CFAP95: variants seen among roughly 807,000 people sequenced by gnomAD.
CFAP95 encodes the protein cilia- and flagella-associated protein 95.
chr9:69,894,541 G>A, the CFAP95 span, among the ~76,000 whole-genome samples: 2 of 152,128 alleles, frequency 1.3e-5, no homozygotes, highest in Non-Finnish European at 2.9e-5. Context: ...TATCTTACAT[G>A]TATTAGCTCA....
the CFAP95 span, among the ~76,000 whole-genome samples, chr9:69,847,071 T>G: frequency 2.0e-5 from 3 of 152,044 alleles, no homozygotes; most frequent in Non-Finnish European, 4.4e-5. Flanking sequence ...ATGTGAGAGG[T>G]CATGCCTGAT....
At chr9:69,873,490 G>T in the CFAP95 span, among the ~76,000 whole-genome samples, 1 of 152,092 alleles carries the variant, frequency 6.6e-6, no homozygotes, top group East Asian at 1.9e-4. Flanking sequence ...TTCCAGAGTG[G>T]TTGTAGATTG....
At chr9:69,864,299 G>A in the CFAP95 span, among the ~76,000 whole-genome samples, 8 of 151,214 alleles carry the variant, frequency 5.3e-5, no homozygotes, top group Non-Finnish European at 1.2e-4. Context: ...TTTGGAAATT[G>A]TGTGTGTGTG....
the CFAP95 span, among the ~76,000 whole-genome samples, chr9:69,866,563 A>G: frequency 1.3e-5 from 2 of 152,210 alleles, no homozygotes; most frequent in East Asian, 3.9e-4. Flanking sequence ...CAGGCCCTTC[A>G]TGAATTGGAT....
the CFAP95 span, among the ~76,000 whole-genome samples, chr9:69,890,052 G>A: frequency 6.6e-6 from 1 of 152,014 alleles, no homozygotes; most frequent in South Asian, 2.1e-4. Context: ...AAGTGTGATG[G>A]TTTATCATCA....
At chr9:69,875,555 T>C in the CFAP95 span, among the ~76,000 whole-genome samples, 1 of 151,888 alleles carries the variant, frequency 6.6e-6, no homozygotes, top group Non-Finnish European at 1.5e-5. Flanking sequence ...TTTACACGAG[T>C]GGAGAGATAC....
At chr9:69,883,069 T>C in the CFAP95 span, among the ~76,000 whole-genome samples, 1 of 152,206 alleles carries the variant, frequency 6.6e-6, no homozygotes, top group Admixed American at 6.5e-5. Flanking sequence ...GAAGCCCTCA[T>C]GTCCTGGGAT....
At chr9:69,844,466 T>C in the CFAP95 span, 1 of 1,201,820 alleles carries the variant, frequency 8.3e-7, no homozygotes, top group Admixed American at 2.5e-5. Flanking sequence ...CTGAATGCAA[T>C]ACAGAATAAA....
the CFAP95 span, among the ~76,000 whole-genome samples, chr9:69,830,328 A>G: frequency 6.6e-6 from 1 of 152,194 alleles, no homozygotes; most frequent in Non-Finnish European, 1.5e-5. Context: ...GCAACGAACA[A>G]GGAGGACGCA....
At chr9:69,896,161 C>T in the CFAP95 span, among the ~76,000 whole-genome samples, 11 of 152,094 alleles carry the variant, frequency 7.2e-5, no homozygotes, top group South Asian at 8.3e-4. Context: ...TTAAGTCATT[C>T]CATTATAAAA....
the CFAP95 span, among the ~76,000 whole-genome samples, chr9:69,883,615 G>A: frequency 1.3e-5 from 2 of 152,110 alleles, no homozygotes; most frequent in African/African-American, 4.8e-5. Flanking sequence ...AGTCTTGGTA[G>A]GTTGTATGTG....
the CFAP95 span, among the ~76,000 whole-genome samples, chr9:69,876,145 T>C: frequency 6.6e-6 from 1 of 152,260 alleles, no homozygotes; most frequent in Admixed American, 6.5e-5. Context: ...TCCTTATAAA[T>C]AGGGATTTTT....
At chr9:69,868,401 TG>T in the CFAP95 span, among the ~76,000 whole-genome samples, 2 of 152,126 alleles carry the variant, frequency 1.3e-5, no homozygotes, top group African/African-American at 4.8e-5. Flanking sequence ...CTGGGTGTCA[TG>T]GCCCCAGCAC....
chr9:69,856,659 C>T, the CFAP95 span: 2,675 of 1,607,242 alleles, frequency 1.7e-3, 46 homozygotes, highest in African/African-American at 0.031. Flanking sequence ...CAGTGAGCTC[C>T]GGGATTATCG....
the CFAP95 span, among the ~76,000 whole-genome samples, chr9:69,869,321 A>G: frequency 3.9e-5 from 6 of 152,200 alleles, no homozygotes; most frequent in African/African-American, 1.4e-4. Context: ...AGATAAACCT[A>G]GAGGATATGA....
At chr9:69,865,264 T>G in the CFAP95 span, among the ~76,000 whole-genome samples, 1 of 152,200 alleles carries the variant, frequency 6.6e-6, no homozygotes, top group Admixed American at 6.5e-5. Flanking sequence ...ACCTCTTTTC[T>G]TTATAAATTA....
At chr9:69,855,105 A>C in the CFAP95 span, among the ~76,000 whole-genome samples, 1 of 152,230 alleles carries the variant, frequency 6.6e-6, no homozygotes, top group Non-Finnish European at 1.5e-5. Flanking sequence ...ATTAATACAT[A>C]ACACTCAGAG....
the CFAP95 span, among the ~76,000 whole-genome samples, chr9:69,858,998 T>C: frequency 3.9e-5 from 6 of 152,074 alleles, no homozygotes; most frequent in African/African-American, 1.5e-4. Flanking sequence ...CATTGTGGGG[T>C]TGTTGTGAAG....
chr9:69,889,413 G>A, the CFAP95 span, among the ~76,000 whole-genome samples: 78 of 152,266 alleles, frequency 5.1e-4, no homozygotes, highest in African/African-American at 1.7e-3. Flanking sequence ...TAAAGAACTG[G>A]TCTTTGAGAT....
Sources: allele counts gnomAD v4.1 joint callset (sites outside exome capture counted in the v4.1 genomes callset), GRCh38; gene constraint gnomAD v4.1.1; transcripts MANE v1.5; gene names NCBI Gene and HGNC (gene_info 2026-07-23, HGNC 2026-07-21).